The following TMEM260 variants were observed in gnomAD, a reference collection of about 807,000 sequenced individuals.
TMEM260 encodes the protein protein O-mannosyl-transferase TMEM260.
Under a neutral mutation model 88.9 loss-of-function variants are expected in TMEM260, and 82 were observed. That is an observed-to-expected ratio of 0.92 (90% CI 0.77 to 1.11). The LOEUF (loss-of-function observed/expected upper bound fraction) is 1.11. TMEM260 is among the 50% of genes least tolerant of loss of function. The pLI is 0.00. For missense variants in TMEM260, 902 were observed against 853.4 expected, an observed-to-expected ratio of 1.06 and a Z score of -0.71; for synonymous variants, 314 against 309.3, an observed-to-expected ratio of 1.02 and a Z score of -0.16.
At chr14:56,602,839 C>G (rs926839213) in intron 3 of TMEM260, among the ~76,000 whole-genome samples, 2 of 151,894 alleles carry the variant, frequency 1.3e-5, no homozygotes, top group African/African-American at 2.4e-5. Flanking sequence ...TGACTAAAGC[C>G]ATAGAACTAC....
intron 12 of TMEM260, among the ~76,000 whole-genome samples, chr14:56,631,528 C>T (rs1255360004): frequency 6.6e-6 from 1 of 151,366 alleles, no homozygotes; most frequent in East Asian, 2.0e-4. Flanking sequence ...GAGGCTGAGG[C>T]AGGAGGATTG....
intron 12 of TMEM260, among the ~76,000 whole-genome samples, chr14:56,627,900 G>C (rs904828393): frequency 1.3e-5 from 2 of 152,112 alleles, no homozygotes; most frequent in African/African-American, 4.8e-5. Context: ...TGCTGCTCCC[G>C]TATAGTCACA....
At chr14:56,627,344 A>AT (rs1314525223) in intron 12 of TMEM260, among the ~76,000 whole-genome samples, 3 of 152,172 alleles carry the variant, frequency 2.0e-5, no homozygotes, top group African/African-American at 7.2e-5. Flanking sequence ...AAAAATGCAT[A>AT]TTTTTTACAA....
intron 1 of TMEM260, among the ~76,000 whole-genome samples, chr14:56,584,706 T>G (rs1035812635): frequency 3.3e-5 from 5 of 152,182 alleles, no homozygotes; most frequent in Non-Finnish European, 7.4e-5. Flanking sequence ...CAACAGTATT[T>G]GTATATTTGC....
chr14:56,590,637 C>G (rs1205372521), intron 3 of TMEM260, among the ~76,000 whole-genome samples: 1 of 152,182 alleles, frequency 6.6e-6, no homozygotes, highest in Non-Finnish European at 1.5e-5. Context: ...TTCCTAAGTC[C>G]CATCAACCCT....
intron 12 of TMEM260, among the ~76,000 whole-genome samples, chr14:56,626,777 A>G (rs1167449411): frequency 6.6e-6 from 1 of 152,150 alleles, no homozygotes; most frequent in Non-Finnish European, 1.5e-5. Context: ...TGATGGAAGT[A>G]TCGTATGCTC....
At chr14:56,622,728 TAAAAG>T (rs1364478598) in intron 11 of TMEM260, among the ~76,000 whole-genome samples, 2 of 152,160 alleles carry the variant, frequency 1.3e-5, no homozygotes, top group South Asian at 2.1e-4. Flanking sequence ...TTCTTAATCT[TAAAAG>T]AATAATATGA....
At chr14:56,652,489 C>CAAA (rs34203722), downstream of TMEM260, among the ~76,000 whole-genome samples, 52 of 115,166 alleles carry the variant, frequency 4.5e-4, no homozygotes, top group African/African-American at 1.1e-3. Context: ...CAGAGTGTCT[C>CAAA]AAAAAAAAAA....
intron 9 of TMEM260, 92 bp from the exon 10 acceptor site, chr14:56,618,502 G>A: frequency 1.7e-6 from 2 of 1,159,506 alleles, no homozygotes; most frequent in Non-Finnish European, 2.5e-6. Context: ...CACACAACTA[G>A]GTGCATGCAG....
At chr14:56,660,365 G>C in the TMEM260 span, among the ~76,000 whole-genome samples, 6 of 152,198 alleles carry the variant, frequency 3.9e-5, no homozygotes. Context: ...AATGCGCAAT[G>C]TTAAATTGCT....
At chr14:56,607,033 G>A (rs1412053027) in intron 5 of TMEM260, among the ~76,000 whole-genome samples, 1 of 152,156 alleles carries the variant, frequency 6.6e-6, no homozygotes, top group Non-Finnish European at 1.5e-5. Context: ...AGCATAACAG[G>A]CAGTGTCTTT....
At chr14:56,629,866 C>T (rs996455542) in intron 12 of TMEM260, among the ~76,000 whole-genome samples, 19 of 151,798 alleles carry the variant, frequency 1.3e-4, no homozygotes, top group South Asian at 6.2e-4. Context: ...GAGACCCTGT[C>T]GCTACAAAAA....
Position 56,612,261 on chromosome 14 carries a change from G to A in TMEM260, c.833G>A (p.Gly278Glu). 1 of 1,613,626 alleles carries A rather than the reference G, an allele frequency of 6.2e-7. No homozygotes were observed. The highest frequency in any genetic ancestry group is 8.5e-7 in the Non-Finnish European group (1 of 1,179,664). The change falls in exon 7 of 16, where the codon GGA (glycine) becomes GAA (glutamate). Residue 278 changes from glycine to glutamate, a missense_variant. Physicochemically the swap from Gly to Glu is moderately conservative, Grantham distance 98. Transcript: ENST00000261556. ...TGTGTTTAGGCCAAATCTGAAATAG[G>A]ATCCAGTATGTCTGAAATACTGCTG... The part of the protein sequence containing the change: ...GTFSLAKSEI[G>E]SSMSEILLSQ...
chr14:56,610,322 G>A (rs899422166), intron 6 of TMEM260, among the ~76,000 whole-genome samples: 21 of 151,996 alleles, frequency 1.4e-4, no homozygotes, highest in African/African-American at 5.1e-4. Context: ...CTCGCTGCAA[G>A]CTCCGCCTCC....
At chr14:56,583,943 G>C (rs1174405695) in intron 1 of TMEM260, among the ~76,000 whole-genome samples, 3 of 152,070 alleles carry the variant, frequency 2.0e-5, no homozygotes, top group African/African-American at 7.2e-5. Flanking sequence ...TCAGTAAGCA[G>C]AGAGCAGCCA....
intron 3 of TMEM260, among the ~76,000 whole-genome samples, chr14:56,589,291 T>A (rs543995420): frequency 1.3e-5 from 2 of 152,236 alleles, no homozygotes; most frequent in African/African-American, 4.8e-5. Context: ...GCAGGGGATG[T>A]ATTTTCAACA....
At chr14:56,590,040 T>C (rs1885754568) in intron 3 of TMEM260, among the ~76,000 whole-genome samples, 1 of 152,162 alleles carries the variant, frequency 6.6e-6, no homozygotes, top group African/African-American at 2.4e-5. Flanking sequence ...TACCAAGTTT[T>C]TGTAGTTGAA....
Position 56,647,711 on chromosome 14 carries a change from T to A in TMEM260, c.*214T>A. ...TTCTGTTTATCCCGTGTTACCAAAT[T>A]ACCATTTCAGTGAGAAGCTTTTGAA... On this transcript the variant is annotated 3_prime_UTR_variant, in exon 16 of 16. Coordinates refer to ENST00000261556, the MANE Select transcript of TMEM260 (RefSeq NM_017799.4). 1.9e-6 allele frequency: 1 copy of A among 526,560 alleles called. No homozygotes were observed. The highest frequency in any genetic ancestry group is 2.7e-5 in the South Asian group (1 of 37,568). The allele number at this position is 526,560 out of a possible 1,614,324, so 32.6% of individuals were successfully genotyped here.
chr14:56,648,172 T>A lies in TMEM260; in HGVS notation c.*675T>A, dbSNP rs1445505958. On this transcript the variant is annotated 3_prime_UTR_variant, in exon 16 of 16. Coordinates refer to ENST00000261556, the MANE Select transcript of TMEM260 (RefSeq NM_017799.4). ...TTTTGCATTTACTTAATTAATTTTA[T>A]ATTTATGTTTTATTTCTATTTGGAC... The A allele has an allele frequency of 6.6e-6, 1 of 152,136 alleles. No individual in the cohort carries two copies. The highest frequency in any genetic ancestry group is 1.5e-5 in the Non-Finnish European group (1 of 68,042). 9.4% of individuals were successfully genotyped at this position (152,136 alleles called of 1,614,324 possible). A position where few individuals can be genotyped will look rare whatever the true frequency, so the allele number is the denominator to read the frequency against.
Sources: allele counts gnomAD v4.1 joint callset (sites outside exome capture counted in the v4.1 genomes callset), GRCh38; gene constraint gnomAD v4.1.1; transcripts MANE v1.5; gene names NCBI Gene and HGNC (gene_info 2026-07-23, HGNC 2026-07-21).